The following NR3C2 variants were observed in gnomAD, a reference collection of about 807,000 sequenced individuals.
NR3C2 encodes nuclear receptor subfamily 3 group C member 2.
Under a neutral mutation model 86.4 loss-of-function variants are expected in NR3C2, and 15 were observed. The ratio of observed to expected loss-of-function variants is 0.17; its 90% confidence interval spans 0.12 to 0.27. NR3C2 has a LOEUF of 0.27. NR3C2 is among the 10% of genes least tolerant of loss of function. The pLI is 1.00. For synonymous variants in NR3C2, 458 were observed against 450.5 expected (o/e 1.02, Z -0.21); for missense variants, 960 against 1,195.6 (o/e 0.80, Z 2.91).
At chr4:148,269,483 C>G (rs1740562258) in intron 2 of NR3C2, among the ~76,000 whole-genome samples, 1 of 152,164 alleles carries the variant, frequency 6.6e-6, no homozygotes, top group Non-Finnish European at 1.5e-5. Context: ...TTGTCTTTGT[C>G]ATAAAACCAT....
intron 2 of NR3C2, among the ~76,000 whole-genome samples, chr4:148,382,468 A>G (rs935434430): frequency 7.2e-5 from 11 of 152,172 alleles, no homozygotes; most frequent in African/African-American, 2.7e-4. Context: ...AGCTCACAAA[A>G]CCAACCAGTA....
intron 6 of NR3C2, among the ~76,000 whole-genome samples, chr4:148,122,336 G>A (rs1196364996): frequency 6.6e-6 from 1 of 151,746 alleles, no homozygotes; most frequent in African/African-American, 2.4e-5. Flanking sequence ...CTTTCTCTCT[G>A]CCTCTTTTTC....
intron 2 of NR3C2, among the ~76,000 whole-genome samples, chr4:148,280,181 G>A (rs1741163769): frequency 6.6e-6 from 1 of 152,068 alleles, no homozygotes; most frequent in Non-Finnish European, 1.5e-5. Context: ...AATAAATCTA[G>A]TTTTCAACAA....
chr4:148,378,110 A>T (rs62333613), intron 2 of NR3C2, among the ~76,000 whole-genome samples: 3,140 of 152,324 alleles, frequency 0.021, 47 homozygotes, highest in Non-Finnish European at 0.033. Context: ...TTATAGGAAT[A>T]TCAATGAGTA....
At chr4:148,444,789 C>T (rs1750506775), upstream of NR3C2, 2 of 984,904 alleles carry the variant, frequency 2.0e-6, no homozygotes, top group South Asian at 4.7e-5. Context: ...GCGGCGGCGG[C>T]CGGGCCTCTG....
intron 8 of NR3C2, among the ~76,000 whole-genome samples, chr4:148,087,619 T>A (rs1171686404): frequency 1.3e-5 from 2 of 151,922 alleles, no homozygotes; most frequent in African/African-American, 4.8e-5. Context: ...GGGGAAAGGA[T>A]CCTCTATTTA....
rs114746123 is a variant in NR3C2 at position 148,364,339 on chromosome 4, G to A, written c.1757+70765C>T. Among the ~76,000 whole-genome samples, 320 of 152,272 alleles carry A rather than the reference G, an allele frequency of 2.1e-3. 1 individual carries two copies. The highest frequency in any genetic ancestry group is 7.1e-3 in the African/African-American group (297 of 41,546). ...CACTGCTTTAGGGAGCACTGAAGTC[G>A]TCAGTTTGGATTACAGAATTGGAGA... On this transcript the variant is annotated intron_variant, in intron 2 of 8. Transcript: ENST00000358102.
At chr4:148,186,994 A>ATG (rs1273878913) in intron 4 of NR3C2, among the ~76,000 whole-genome samples, 27 of 11,024 alleles carry the variant, frequency 2.4e-3, no homozygotes, top group East Asian at 0.017. Flanking sequence ...GTGTGTATGT[A>ATG]TGTATATATA....
At chr4:148,117,964 G>A (rs1342436205) in intron 7 of NR3C2, among the ~76,000 whole-genome samples, 3 of 152,150 alleles carry the variant, frequency 2.0e-5, no homozygotes, top group Non-Finnish European at 4.4e-5. Flanking sequence ...ATCCTTGCAG[G>A]CTCTTAACAT....
intron 2 of NR3C2, among the ~76,000 whole-genome samples, chr4:148,407,127 G>T (rs1393515671): frequency 6.6e-6 from 1 of 152,074 alleles, no homozygotes; most frequent in African/African-American, 2.4e-5. Context: ...AGAAACTGAG[G>T]CTTATAGAAA....
At chr4:148,090,345 G>A (rs1054358306) in intron 8 of NR3C2, among the ~76,000 whole-genome samples, 3 of 152,226 alleles carry the variant, frequency 2.0e-5, no homozygotes, top group African/African-American at 7.2e-5. Context: ...TGGCCATTGG[G>A]GGACCAGCAA....
chr4:148,333,663 T>C (rs1744342302), intron 2 of NR3C2, among the ~76,000 whole-genome samples: 1 of 152,120 alleles, frequency 6.6e-6, no homozygotes, highest in Non-Finnish European at 1.5e-5. Context: ...AGACACATTT[T>C]TTTTGTATCT....
chr4:148,168,864 GATGTGCCTATGTTTGTA>G (rs1007020855), intron 4 of NR3C2, among the ~76,000 whole-genome samples: 19 of 152,058 alleles, frequency 1.2e-4, no homozygotes, highest in African/African-American at 3.9e-4. Context: ...ACCTGTGTGG[GATGTGCCTATGTTTGTA>G]ATGTGCCTAT....
At chr4:148,265,403 T>C (rs1375609721) in intron 2 of NR3C2, among the ~76,000 whole-genome samples, 2 of 152,144 alleles carry the variant, frequency 1.3e-5, no homozygotes, top group Non-Finnish European at 2.9e-5. Flanking sequence ...AAAAAATGAT[T>C]TTTTACAAAT....
chr4:148,283,557 T>C (rs554984105), intron 2 of NR3C2, among the ~76,000 whole-genome samples: 1 of 152,322 alleles, frequency 6.6e-6, no homozygotes, highest in East Asian at 1.9e-4. Flanking sequence ...TAAACAACAA[T>C]CATCTGAACC....
At chr4:148,323,505 A>T (rs1328175036) in intron 2 of NR3C2, among the ~76,000 whole-genome samples, 1 of 149,372 alleles carries the variant, frequency 6.7e-6, no homozygotes, top group African/African-American at 2.5e-5. Context: ...GTTTGATCTC[A>T]GACTGCTGTG....
chr4:148,090,897 C>A (rs1421319413), intron 8 of NR3C2, among the ~76,000 whole-genome samples: 1 of 152,252 alleles, frequency 6.6e-6, no homozygotes, highest in East Asian at 1.9e-4. Flanking sequence ...TCGTGCATAA[C>A]CTGGGCCTGG....
intron 4 of NR3C2, among the ~76,000 whole-genome samples, chr4:148,170,166 C>A (rs1050502641): frequency 3.3e-5 from 5 of 152,156 alleles, no homozygotes; most frequent in Admixed American, 3.3e-4. Context: ...CAGTAGCAAT[C>A]CCCAACCTCC....
intron 2 of NR3C2, among the ~76,000 whole-genome samples, chr4:148,346,011 T>C (rs1034257353): frequency 1.3e-5 from 2 of 152,000 alleles, no homozygotes; most frequent in African/African-American, 4.8e-5. Flanking sequence ...TGAATGTTGC[T>C]ACATAAGAGG....
Sources: allele counts gnomAD v4.1 joint callset (sites outside exome capture counted in the v4.1 genomes callset), GRCh38; gene constraint gnomAD v4.1.1; transcripts MANE v1.5; gene names NCBI Gene and HGNC (gene_info 2026-07-23, HGNC 2026-07-21).